The following RIPOR3 variants were observed in gnomAD, a reference collection of about 807,000 sequenced individuals.
RIPOR3 encodes the protein RIPOR family member 3, also known as family with sequence similarity 65 member C.
A neutral mutation model predicts 114.3 loss-of-function variants in RIPOR3; 95 were observed. The observed-to-expected ratio is 0.83, with a 90% CI of 0.70 to 0.99. The LOEUF (loss-of-function observed/expected upper bound fraction) is 0.99. Ranked by LOEUF, RIPOR3 falls within the 50% of genes least tolerant of loss-of-function variation. The pLI, the probability that RIPOR3 is intolerant of heterozygous loss-of-function variation, is 0.00. For synonymous variants in RIPOR3, 575 were observed against 543.8 expected (o/e 1.06, Z -0.80); for missense variants, 1,252 against 1,266.9 (o/e 0.99, Z 0.18).
chr20:50,690,779 G>A (rs954070838), intron 1 of RIPOR3, among the ~76,000 whole-genome samples: 4 of 152,250 alleles, frequency 2.6e-5, no homozygotes, highest in African/African-American at 9.6e-5. Context: ...GGGGCTTACC[G>A]GGATTTCCCG....
chr20:50,659,769 C>G (rs1429777235), intron 1 of RIPOR3: 1 of 152,026 alleles, frequency 6.6e-6, no homozygotes, highest in Non-Finnish European at 1.5e-5. Context: ...TTATGGGGTC[C>G]TCGGATAATC....
At position 50,587,864 on chromosome 20, in the gene RIPOR3, C is replaced by A; in HGVS notation, c.2690G>T (p.Ser897Ile). Residue 897 changes from serine (S) to isoleucine (I), a missense_variant, in exon 21 of 22, where the codon AGC (serine) becomes ATC (isoleucine). Coordinates refer to ENST00000327979, the MANE Select transcript of RIPOR3 (RefSeq NM_001290268.2). ...KGIESIDQTA[S>I]LCQSDLEAVR... ...GGCCTCCAGGTCAGACTGGCACAGG[C>A]TGGCAGTCTGGTCGATGCTTTCAAT... is the stretch of plus-strand genomic sequence containing the variant. The A allele has an allele frequency of 6.2e-7, 1 of 1,614,170 alleles. No homozygotes were observed. The highest frequency in any genetic ancestry group is 8.5e-7 in the Non-Finnish European group (1 of 1,180,050).
chr20:50,639,450 A>G (rs35855618), intron 1 of RIPOR3, among the ~76,000 whole-genome samples: 19,137 of 151,554 alleles, frequency 0.13, 1,327 homozygotes, highest in East Asian at 0.18. Flanking sequence ...CCTCTCACTC[A>G]CCCCCACAGC....
chr20:50,649,416 A>C (rs66823047), intron 1 of RIPOR3, among the ~76,000 whole-genome samples: 22,077 of 152,150 alleles, frequency 0.15, 1,689 homozygotes, highest in East Asian at 0.2. Context: ...TTGCACTCCA[A>C]CCTGGCTACA....
chr20:50,647,047 C>T (rs936140413), intron 1 of RIPOR3, among the ~76,000 whole-genome samples: 4 of 152,172 alleles, frequency 2.6e-5, no homozygotes, highest in Admixed American at 6.5e-5. Context: ...GGGGGCCGGG[C>T]GTGGTGGCTC....
At chr20:50,621,505 A>T (rs1360601861) in intron 2 of RIPOR3, among the ~76,000 whole-genome samples, 1 of 152,172 alleles carries the variant, frequency 6.6e-6, no homozygotes, top group Non-Finnish European at 1.5e-5. Context: ...GTTAGTCAAC[A>T]TATTCTGCTC....
chr20:50,662,374 C>T (rs1287906691), intron 1 of RIPOR3: 1 of 152,376 alleles, frequency 6.6e-6, no homozygotes, highest in Non-Finnish European at 1.5e-5. Flanking sequence ...CGGCCACGCT[C>T]AGAGGAAGGT....
At chr20:50,600,792 T>C (rs2083466261) in intron 13 of RIPOR3, among the ~76,000 whole-genome samples, 2 of 152,280 alleles carry the variant, frequency 1.3e-5, no homozygotes, top group Non-Finnish European at 2.9e-5. Context: ...TACCAAAAAG[T>C]TGACATTATT....
intron 11 of RIPOR3, among the ~76,000 whole-genome samples, chr20:50,605,788 GAA>G (rs1323549471): frequency 1.5e-5 from 2 of 130,922 alleles, no homozygotes; most frequent in African/African-American, 2.8e-5. Flanking sequence ...CAAAAAAAAA[GAA>G]AAAAAAAAAA....
intron 1 of RIPOR3, among the ~76,000 whole-genome samples, chr20:50,635,507 A>G (rs1334273606): frequency 6.6e-6 from 1 of 151,992 alleles, no homozygotes; most frequent in Non-Finnish European, 1.5e-5. Context: ...TACAAAAATT[A>G]CCCAGATGTG....
At chr20:50,647,848 A>G (rs1402912354) in intron 1 of RIPOR3, among the ~76,000 whole-genome samples, 1 of 151,986 alleles carries the variant, frequency 6.6e-6, no homozygotes, top group Non-Finnish European at 1.5e-5. Context: ...TTCCTCATCT[A>G]TACATTGGAA....
chr20:50,662,229 A>C (rs1258021798), intron 1 of RIPOR3: 1 of 152,302 alleles, frequency 6.6e-6, no homozygotes, highest in Non-Finnish European at 1.5e-5. Flanking sequence ...CCCTCAGAGA[A>C]GAAGGGAAAA....
chr20:50,587,803 G>C lies in RIPOR3; in HGVS notation c.2751C>G (p.Phe917Leu), dbSNP rs1338715369. ...RAAARETTLSFGEKGRLAFEK... is the reference protein window; with the variant it reads ...RAAARETTLSLGEKGRLAFEK... ...TGCACAGTTTGTGCCACTTTTTACC[G>C]AACGACAGTGTGGTTTCCCGGGCTG... Residue 917 changes from phenylalanine to leucine, a missense_variant and splice_region_variant, in exon 21 of 22, where the codon TTC becomes TTG. By Grantham distance (22) the Phe-to-Leu change is conservative. Transcript: ENST00000327979. 6.2e-7 allele frequency: 1 copy of C among 1,614,150 alleles called. No individual in the cohort carries two copies. Among genetic ancestry groups the C allele is most frequent in the Non-Finnish European group, 8.5e-7 (1 of 1,180,026 alleles).
chr20:50,620,498 G>T (rs1048279008), intron 2 of RIPOR3, among the ~76,000 whole-genome samples: 2 of 152,096 alleles, frequency 1.3e-5, no homozygotes, highest in African/African-American at 4.8e-5. Context: ...GTGGTGGTAC[G>T]TGCCTGTAAT....
chr20:50,635,816 G>A (rs1041560723), intron 1 of RIPOR3, among the ~76,000 whole-genome samples: 7 of 152,238 alleles, frequency 4.6e-5, no homozygotes, highest in African/African-American at 1.7e-4. Context: ...CCTGGCTTCG[G>A]GACTCCGCTG....
intron 1 of RIPOR3, among the ~76,000 whole-genome samples, chr20:50,666,188 T>TTTTCC (rs1568944383): frequency 5.2e-5 from 1 of 19,344 alleles, no homozygotes; most frequent in Non-Finnish European, 2.1e-4. Context: ...CACCCATTTC[T>TTTTCC]TTTCTTTTCT....
chr20:50,642,864 C>A (rs1174256479), intron 1 of RIPOR3, among the ~76,000 whole-genome samples: 1 of 152,088 alleles, frequency 6.6e-6, no homozygotes, highest in Admixed American at 6.5e-5. Context: ...GCCTGACCAA[C>A]ATGGAGAAAC....
At chr20:50,638,212 A>C (rs1467314102) in intron 1 of RIPOR3, among the ~76,000 whole-genome samples, 1 of 152,158 alleles carries the variant, frequency 6.6e-6, no homozygotes, top group Non-Finnish European at 1.5e-5. Flanking sequence ...TAGACACACA[A>C]TGAGTGCCCT....
At position 50,608,706 on chromosome 20, in the gene RIPOR3, C is replaced by T. The variant is rs773493404; in HGVS notation, c.717G>A (p.Lys239=). 1.2e-6 allele frequency: 2 copies of T among 1,614,054 alleles called. No homozygotes were observed. The highest frequency in any genetic ancestry group is 3.3e-5 in the Admixed American group (2 of 60,016). Residue 239 remains lysine (K), a synonymous_variant, in exon 10 of 22, where the codon AAG becomes AAA. Coordinates refer to ENST00000327979, the MANE Select transcript of RIPOR3 (RefSeq NM_001290268.2). ...CATCTGACTCGATCCGACCCTTGAGCTTCCAACGCTGGCGGCCCAGACGCA... is the reference window on the plus strand; with the variant it reads ...CATCTGACTCGATCCGACCCTTGAGTTTCCAACGCTGGCGGCCCAGACGCA... ...VLMRLGRQRW[K]LKGRIESDDS... is the part of the protein sequence containing the mutation.
Sources: allele counts gnomAD v4.1 joint callset (sites outside exome capture counted in the v4.1 genomes callset), GRCh38; gene constraint gnomAD v4.1.1; transcripts MANE v1.5; gene names NCBI Gene and HGNC (gene_info 2026-07-23, HGNC 2026-07-21).